Variants in MTMR1 observed in about 807,000 individuals in gnomAD.
MTMR1 encodes myotubularin related protein 1.
In MTMR1, 17 loss-of-function variants were observed where a neutral mutation model predicts 51.6. That is an observed-to-expected ratio of 0.33 (90% confidence interval 0.23 to 0.49). The LOEUF is 0.49. MTMR1 is among the 20% of genes least tolerant of loss of function. The pLI, the probability that MTMR1 is intolerant of heterozygous loss-of-function variation, is 0.99. For missense variants in MTMR1, 386 were observed against 526.9 expected (o/e 0.73, Z 2.62); for synonymous variants, 201 against 205.6 (o/e 0.98, Z 0.19).
chrX:150,753,627 G>A (rs1305275286), intron 14 of MTMR1, among the ~76,000 whole-genome samples: 1 of 112,496 alleles, frequency 8.9e-6, no homozygotes, highest in African/African-American at 3.2e-5. Flanking sequence ...TGGAGAATGT[G>A]TATTCAGCTC....
At chrX:150,753,435 A>G (rs781810699) in intron 14 of MTMR1, among the ~76,000 whole-genome samples, 1 of 112,331 alleles carries the variant, frequency 8.9e-6, no homozygotes, top group Non-Finnish European at 1.9e-5. Flanking sequence ...ACACACGAGC[A>G]ATGTCTGAGG....
At chrX:150,760,852 G>C (rs984547125) in intron 15 of MTMR1, among the ~76,000 whole-genome samples, 3 of 108,944 alleles carry the variant, frequency 2.8e-5, no homozygotes, top group Middle Eastern at 4.3e-3. Context: ...GCTTGAATTC[G>C]GGAGGCGGAG....
At chrX:150,760,272 G>A (rs2043058861) in intron 15 of MTMR1, among the ~76,000 whole-genome samples, 1 of 100,489 alleles carries the variant, frequency 1.0e-5, no homozygotes, top group Admixed American at 1.0e-4. Context: ...CAGTGACAGG[G>A]CCTGAGGAGC....
intron 13 of MTMR1, among the ~76,000 whole-genome samples, chrX:150,748,848 T>TGA (rs1210180621): frequency 9.3e-6 from 1 of 108,108 alleles, no homozygotes; most frequent in Non-Finnish European, 1.9e-5. Context: ...AATGCATGAA[T>TGA]GAGAGAGAGA....
At chrX:150,729,594 A>C (rs915759182) in intron 6 of MTMR1, among the ~76,000 whole-genome samples, 1 of 112,085 alleles carries the variant, frequency 8.9e-6, no homozygotes, top group African/African-American at 3.3e-5. Context: ...ATAGTAAAAA[A>C]TCAGTCTCCT....
chrX:150,706,523 G>A (rs928476095), intron 2 of MTMR1, among the ~76,000 whole-genome samples: 8 of 112,041 alleles, frequency 7.1e-5, no homozygotes, highest in African/African-American at 2.3e-4. Context: ...TTTTGGGGAT[G>A]TATTCCAACC....
chrX:150,750,744 C>T lies in MTMR1; in HGVS notation c.1581C>T (p.Phe527=), dbSNP rs2042704587. ...CTTCATTTAAGTTTCCTTCAGCATT[C>T]GAGTTTAATGAGCTATTCTTGATTA... ...WQMTRQFPSA[F]EFNELFLITI... is the part of the protein sequence containing the mutation. The change falls in exon 14 of 16, where the codon TTC becomes TTT. Residue 527 remains phenylalanine (F), a synonymous_variant. Transcript: ENST00000445323. 8.4e-7 allele frequency: 1 copy of T among 1,194,713 alleles called. No homozygotes were observed. Among genetic ancestry groups the T allele is most frequent in the Non-Finnish European group, 1.1e-6 (1 of 883,333 alleles).
chrX:150,725,876 C>T (rs782591538), intron 4 of MTMR1, among the ~76,000 whole-genome samples: 1 of 112,012 alleles, frequency 8.9e-6, no homozygotes, highest in Non-Finnish European at 1.9e-5. Flanking sequence ...GCATACTAAC[C>T]TCTAACAACT....
At chrX:150,750,896 C>A in intron 14 of MTMR1, 53 bp downstream of exon 14, 2 of 1,059,754 alleles carry the variant, frequency 1.9e-6, no homozygotes, top group Non-Finnish European at 2.6e-6. Flanking sequence ...AGGCACCTCT[C>A]CTCGGAAGTG....
At chrX:150,740,526 C>G (rs1043695277) in intron 12 of MTMR1, among the ~76,000 whole-genome samples, 1 of 111,003 alleles carries the variant, frequency 9.0e-6, no homozygotes, top group South Asian at 3.8e-4. Flanking sequence ...TGATCTCAGC[C>G]AGTCCCATAA....
At chrX:150,722,116 T>C (rs1391150515) in intron 4 of MTMR1, among the ~76,000 whole-genome samples, 3 of 112,243 alleles carry the variant, frequency 2.7e-5, no homozygotes, top group Non-Finnish European at 5.6e-5. Flanking sequence ...ACATGCTTTT[T>C]ATAACTTGAA....
intron 15 of MTMR1, among the ~76,000 whole-genome samples, chrX:150,762,335 G>A (rs960516555): frequency 8.9e-6 from 1 of 111,790 alleles, no homozygotes; most frequent in Non-Finnish European, 1.9e-5. Context: ...TTTTCATCCC[G>A]GCTCAGCGGC....
chrX:150,743,960 GA>G (rs781981926), intron 12 of MTMR1, among the ~76,000 whole-genome samples: 1 of 111,924 alleles, frequency 8.9e-6, no homozygotes, highest in East Asian at 2.8e-4. Flanking sequence ...CTGAAAAATG[GA>G]AAAAATGTTT....
rs572927592 is a variant in MTMR1 at position 150,723,116 on chromosome X, C to T, written c.353-4099C>T. On this transcript the variant is annotated intron_variant, in intron 4 of 15. Coordinates refer to ENST00000445323, the MANE Select transcript of MTMR1 (RefSeq NM_001306144.3). ...GAACATACGGTGTTTGGTTTTTTGT[C>T]CTTGTGATAGTTTACTGAGAATGAT... Among the ~76,000 whole-genome samples, 9 of 105,891 alleles carry T rather than the reference C, an allele frequency of 8.5e-5. No individual in the cohort carries two copies. The South Asian group carries it at 3.8e-3, about 45-fold the overall frequency. The allele number at this position is 105,891 out of a possible 115,157, so 92.0% of individuals were successfully genotyped here.
At position 150,731,628 on chromosome X, in the gene MTMR1, T is replaced by C; in HGVS notation, c.891+9T>C. The C allele has an allele frequency of 1.7e-6, 2 of 1,184,563 alleles. No homozygotes were observed. Among genetic ancestry groups the C allele is most frequent in the Non-Finnish European group, 2.3e-6 (2 of 879,830 alleles). ...CAAAAGGCAGAGTCCCTGTAAGTAA[T>C]AAACATTGTCATTTATATAGGAATA... On this transcript the variant is annotated intron_variant, in intron 9 of 15. Coordinates refer to ENST00000445323, the MANE Select transcript of MTMR1 (RefSeq NM_001306144.3).
intron 10 of MTMR1, chrX:150,735,566 G>A: frequency 2.2e-6 from 1 of 452,654 alleles, no homozygotes; most frequent in East Asian, 3.9e-5. Flanking sequence ...ACCTACAGCA[G>A]GAACCTTGAA....
chrX:150,762,680 G>A lies in MTMR1; in HGVS notation c.1973G>A (p.Arg658Gln), dbSNP rs1313706639. ...CGCGCCGTCTCATCCTCATCTGAGC[G>A]GGGCTCCTCGCCCTCCCACTCCGCC... ...ATRAVSSSSE[R>Q]GSSPSHSATS... is the part of the protein sequence containing the mutation. Residue 658 changes from arginine (R) to glutamine (Q), a missense_variant, in exon 16 of 16, where the codon CGG becomes CAG. By Grantham distance (43) the Arg-to-Gln change is conservative. Transcript: ENST00000445323. 1.3e-5 allele frequency: 16 copies of A among 1,192,717 alleles called. No homozygotes were observed. The highest frequency in any genetic ancestry group is 3.0e-5 in the East Asian group (1 of 33,174).
chrX:150,708,917 G>A (rs1022967244), intron 2 of MTMR1, among the ~76,000 whole-genome samples: 2 of 111,442 alleles, frequency 1.8e-5, no homozygotes, highest in Non-Finnish European at 3.8e-5. Flanking sequence ...GCTGGAGCTG[G>A]GATTTCACTC....
intron 4 of MTMR1, among the ~76,000 whole-genome samples, chrX:150,725,166 T>C (rs1557416722): frequency 1.8e-5 from 2 of 112,548 alleles, no homozygotes; most frequent in Admixed American, 9.4e-5. Flanking sequence ...TTGGGCAGTA[T>C]GGCCATTTTC....
Sources: gnomAD v4.1 joint callset for allele counts (sites outside exome capture counted in the v4.1 genomes callset) on GRCh38, gnomAD v4.1.1 for gene constraint, MANE v1.5 for transcripts, NCBI Gene and HGNC (gene_info 2026-07-23, HGNC 2026-07-21) for gene names.